ITSN1: variants seen among roughly 807,000 people sequenced by gnomAD.
The protein encoded by ITSN1 is intersectin-1.
A neutral mutation model predicts 239.8 loss-of-function variants in ITSN1; 58 were observed. The ratio of observed to expected loss-of-function variants is 0.24; its 90% CI spans 0.20 to 0.30. ITSN1 has a LOEUF of 0.30. ITSN1 is among the 10% of genes least tolerant of loss of function. ITSN1 has a pLI of 1.00. For synonymous variants in ITSN1, 780 were observed against 770.8 expected (o/e 1.01, Z -0.20); for missense variants, 1,558 against 2,103.3 (o/e 0.74, Z 5.07).
chr21:33,745,891 G>T (rs769762169), intron 5 of ITSN1, among the ~76,000 whole-genome samples: 2 of 152,176 alleles, frequency 1.3e-5, no homozygotes, highest in Non-Finnish European at 2.9e-5. Context: ...CTGCATGCAC[G>T]TATAGAGAAT....
chr21:33,875,259 G>A, intron 33 of ITSN1, 95 bp from the exon 34 acceptor site: 8 of 1,380,818 alleles, frequency 5.8e-6, no homozygotes, highest in Admixed American at 1.8e-5. Context: ...AAAGGATGGT[G>A]CCCTGCCCCG....
rs182406241 is a variant in ITSN1 at position 33,875,182 on chromosome 21, G to A, written c.4174-172G>A. On this transcript the variant is annotated intron_variant, in intron 33 of 39. Transcript: ENST00000381318. ...CCACTGGAGCCATCAAGGAGTGGCC[G>A]TCATCTGCTACGTGATTGCCATGTG... 1.1e-3 allele frequency among the ~76,000 whole-genome samples: 167 copies of A among 152,274 alleles called. 3 individuals carry two copies. In the East Asian group the frequency reaches 0.024, roughly 22 times the overall value.
intron 5 of ITSN1, among the ~76,000 whole-genome samples, chr21:33,743,124 A>G (rs1211195037): frequency 1.3e-5 from 2 of 152,206 alleles, no homozygotes; most frequent in Non-Finnish European, 2.9e-5. Flanking sequence ...CACAGGGGAT[A>G]CTAACTGAAG....
intron 16 of ITSN1, among the ~76,000 whole-genome samples, chr21:33,785,824 C>A (rs750172137): frequency 2.0e-5 from 3 of 152,034 alleles, no homozygotes; most frequent in Non-Finnish European, 4.4e-5. Context: ...TTTTTCCATG[C>A]GTTTTAATAG....
chr21:33,785,270 C>T (rs1458160447), intron 16 of ITSN1, among the ~76,000 whole-genome samples: 2 of 152,126 alleles, frequency 1.3e-5, no homozygotes, highest in African/African-American at 4.8e-5. Context: ...TTGATTCTCA[C>T]TATTTTGGGT....
rs548582352 is a variant in ITSN1 at position 33,658,444 on chromosome 21, C to A, written c.-33+15731C>A. ...CTATTTTGCTCCTTGGTTACAAACCCCTACAGCCTGTTACTATACTGAATA... is the reference window on the plus strand; with the variant it reads ...CTATTTTGCTCCTTGGTTACAAACCACTACAGCCTGTTACTATACTGAATA... On this transcript the variant is annotated intron_variant, in intron 1 of 39. Coordinates refer to ENST00000381318, the MANE Select transcript of ITSN1 (RefSeq NM_003024.3). Among the ~76,000 whole-genome samples the A allele has an allele frequency of 3.9e-5, 6 of 152,312 alleles. No individual in the cohort carries two copies. The East Asian group carries it at 1.2e-3, about 29-fold the overall frequency.
chr21:33,862,277 G>A (rs1980758615), intron 31 of ITSN1, among the ~76,000 whole-genome samples: 2 of 149,816 alleles, frequency 1.3e-5, no homozygotes, highest in South Asian at 4.2e-4. Context: ...CTGTCCCCTC[G>A]ATGGAAAAAG....
At chr21:33,871,481 C>A (rs1280991877) in intron 33 of ITSN1, among the ~76,000 whole-genome samples, 1 of 151,170 alleles carries the variant, frequency 6.6e-6, no homozygotes, top group African/African-American at 2.4e-5. Context: ...TGGTGGCTCA[C>A]ACTTGTAATC....
intron 31 of ITSN1, among the ~76,000 whole-genome samples, chr21:33,862,092 G>A (rs950244423): frequency 6.7e-6 from 1 of 150,184 alleles, no homozygotes; most frequent in South Asian, 2.1e-4. Flanking sequence ...GAACCCGGTG[G>A]GGGCAGAGGC....
At chr21:33,868,101 T>G (rs1020171560) in intron 33 of ITSN1, among the ~76,000 whole-genome samples, 1 of 152,230 alleles carries the variant, frequency 6.6e-6, no homozygotes, top group Non-Finnish European at 1.5e-5. Flanking sequence ...GGCAGCCTGC[T>G]TTTATTCTCT....
At chr21:33,650,159 C>A (rs2088379379) in intron 1 of ITSN1, among the ~76,000 whole-genome samples, 1 of 152,096 alleles carries the variant, frequency 6.6e-6, no homozygotes, top group African/African-American at 2.4e-5. Flanking sequence ...GCTCTTGCTC[C>A]TCTGTTGCAC....
chr21:33,673,509 A>G (rs916534284), intron 1 of ITSN1, among the ~76,000 whole-genome samples: 2 of 152,236 alleles, frequency 1.3e-5, no homozygotes, highest in Non-Finnish European at 2.9e-5. Context: ...ATAAACAAAG[A>G]AGAGGTGCCG....
intron 1 of ITSN1, among the ~76,000 whole-genome samples, chr21:33,714,431 G>A (rs1159833473): frequency 6.6e-6 from 1 of 152,140 alleles, no homozygotes; most frequent in Non-Finnish European, 1.5e-5. Context: ...CTTTTGGAGG[G>A]TAGAGATTCA....
chr21:33,761,110 CTG>C (rs1272600209), intron 8 of ITSN1, among the ~76,000 whole-genome samples: 1 of 150,908 alleles, frequency 6.6e-6, no homozygotes, highest in Non-Finnish European at 1.5e-5. Context: ...GTGTCTCACT[CTG>C]TTGCCCAGGA....
intron 14 of ITSN1, among the ~76,000 whole-genome samples, chr21:33,781,260 G>A (rs185263271): frequency 8.1e-4 from 123 of 152,290 alleles, no homozygotes; most frequent in Non-Finnish European, 2.2e-4. Context: ...AGCTATAACT[G>A]TGTAGGGAAA....
chr21:33,807,991 C>T (rs1243200146), intron 20 of ITSN1, among the ~76,000 whole-genome samples: 2 of 150,930 alleles, frequency 1.3e-5, no homozygotes, highest in African/African-American at 4.9e-5. Context: ...CGAGACCATC[C>T]TGGCTAACAA....
At chr21:33,650,379 A>G (rs1299544100) in intron 1 of ITSN1, among the ~76,000 whole-genome samples, 2 of 152,104 alleles carry the variant, frequency 1.3e-5, no homozygotes, top group African/African-American at 4.8e-5. Flanking sequence ...GCTCCAACGA[A>G]TTGGAGCCAT....
At chr21:33,820,379 T>A (rs2073591826) in intron 24 of ITSN1, among the ~76,000 whole-genome samples, 1 of 152,244 alleles carries the variant, frequency 6.6e-6, no homozygotes, top group South Asian at 2.1e-4. Flanking sequence ...AGCAGTGTTG[T>A]AGTTAACAGA....
At chr21:33,725,601 T>C (rs1262335286) in intron 4 of ITSN1, among the ~76,000 whole-genome samples, 1 of 152,068 alleles carries the variant, frequency 6.6e-6, no homozygotes, top group Non-Finnish European at 1.5e-5. Flanking sequence ...CTCTAAAAAA[T>C]AAAAACAGTT....
Sources: allele counts gnomAD v4.1 joint callset (sites outside exome capture counted in the v4.1 genomes callset), GRCh38; gene constraint gnomAD v4.1.1; transcripts MANE v1.5; gene names NCBI Gene and HGNC (gene_info 2026-07-23, HGNC 2026-07-21).